The following PDZD2 variants were observed in gnomAD, a reference collection of about 807,000 sequenced individuals.
PDZD2 encodes the protein PDZ domain-containing protein 2.
In PDZD2, 90 loss-of-function variants were observed where a neutral mutation model predicts 220.7. That is an observed-to-expected ratio of 0.41 (90% CI 0.34 to 0.49). The LOEUF is 0.49. PDZD2 is among the 20% of genes least tolerant of loss of function. The pLI is 0.28. For missense variants in PDZD2, 3,174 were observed against 3,608.5 expected (o/e 0.88, Z 3.08); for synonymous variants, 1,375 against 1,450.5 (o/e 0.95, Z 1.18).
At chr5:31,863,114 C>A (rs1737878082) in intron 2 of PDZD2, among the ~76,000 whole-genome samples, 1 of 152,114 alleles carries the variant, frequency 6.6e-6, no homozygotes, top group African/African-American at 2.4e-5. Context: ...GAACTCCTGA[C>A]TGCAAGTGAT....
rs908870598 is a variant in PDZD2 at position 32,104,320 on chromosome 5, T to C, written c.8353+3081T>C. Among the ~76,000 whole-genome samples, 5 of 152,208 alleles carry C rather than the reference T, an allele frequency of 3.3e-5. No individual in the cohort carries two copies. The East Asian group carries it at 9.7e-4, about 29-fold the overall frequency. ...AAACAATATAGCAAGACTGATTTCTTTGAGTAAGGTTATTACAGAACAAGC... is the reference window on the plus strand; with the variant it reads ...AAACAATATAGCAAGACTGATTTCTCTGAGTAAGGTTATTACAGAACAAGC... On this transcript the variant is annotated intron_variant, in intron 24 of 24. Transcript: ENST00000438447.
At chr5:32,017,439 CAAAA>C (rs11289719) in intron 6 of PDZD2, among the ~76,000 whole-genome samples, 1 of 126,988 alleles carries the variant, frequency 7.9e-6, no homozygotes, top group Non-Finnish European at 1.7e-5. Flanking sequence ...GACCCTGTCT[CAAAA>C]AAAAAAAAAA....
rs1744868648 is a variant in PDZD2 at position 31,639,732 on chromosome 5, C to T, written c.-361+295C>T. Reference sequence around the variant, plus strand: ...AACCGGAGACGCACTGCCGGGGGTACTCAAGACAGGGCCGGGACCTCCTGC... The same window carrying T: ...AACCGGAGACGCACTGCCGGGGGTATTCAAGACAGGGCCGGGACCTCCTGC... On this transcript the variant is annotated intron_variant, in intron 1 of 24. Transcript: ENST00000438447. This position sits in a 1 kb window ranked among gnomAD's most constrained non-coding sequence, Gnocchi z 4.1. Among the ~76,000 whole-genome samples, 1 of 152,248 alleles carries T rather than the reference C, an allele frequency of 6.6e-6. No individual in the cohort carries two copies. Among genetic ancestry groups the T allele is most frequent in the Non-Finnish European group, 1.5e-5 (1 of 68,002 alleles).
chr5:32,078,638 T>TAAAAAAAA (rs66500422), intron 19 of PDZD2, among the ~76,000 whole-genome samples: 2 of 104,924 alleles, frequency 1.9e-5, no homozygotes, highest in East Asian at 2.8e-4. Context: ...TCTCAAAAAT[T>TAAAAAAAA]AAAAAAAAAA....
intron 1 of PDZD2, among the ~76,000 whole-genome samples, chr5:31,671,658 G>A (rs1231812935): frequency 6.6e-6 from 1 of 152,176 alleles, no homozygotes; most frequent in Admixed American, 6.5e-5. Flanking sequence ...CAGCCTGGCT[G>A]AGCCTGAGTT....
intron 6 of PDZD2, among the ~76,000 whole-genome samples, chr5:32,019,091 A>G (rs1753993120): frequency 6.8e-6 from 1 of 146,028 alleles, no homozygotes; most frequent in South Asian, 2.3e-4. Context: ...TTATCTAAGG[A>G]GTTTGCAGTT....
At chr5:31,971,979 T>C (rs1749340451) in intron 2 of PDZD2, among the ~76,000 whole-genome samples, 1 of 152,234 alleles carries the variant, frequency 6.6e-6, no homozygotes, top group South Asian at 2.1e-4. Flanking sequence ...AACATTCTTC[T>C]CCCAGGTAGC....
intron 2 of PDZD2, among the ~76,000 whole-genome samples, chr5:31,900,198 T>C (rs1314835034): frequency 6.6e-6 from 1 of 152,194 alleles, no homozygotes; most frequent in African/African-American, 2.4e-5. Context: ...TGGTTCCTTC[T>C]CTCAGTTGGA....
At chr5:31,746,428 G>T (rs1750608085) in intron 1 of PDZD2, among the ~76,000 whole-genome samples, 1 of 152,198 alleles carries the variant, frequency 6.6e-6, no homozygotes, top group Non-Finnish European at 1.5e-5. Context: ...CGTGGGTGCA[G>T]AAGTGGGAGT....
At chr5:32,040,289 C>A (rs1355453925) in intron 7 of PDZD2, among the ~76,000 whole-genome samples, 1 of 141,884 alleles carries the variant, frequency 7.0e-6, no homozygotes, top group Non-Finnish European at 1.5e-5. Context: ...CGGCCACCAC[C>A]CCGTCTGGGA....
intron 24 of PDZD2, among the ~76,000 whole-genome samples, chr5:32,106,772 A>G (rs1455046797): frequency 3.9e-5 from 6 of 152,160 alleles, no homozygotes; most frequent in Non-Finnish European, 7.3e-5. Context: ...AGTTAACACA[A>G]ATATAATTGG....
intron 1 of PDZD2, among the ~76,000 whole-genome samples, chr5:31,773,330 A>G (rs1305957422): frequency 6.6e-6 from 1 of 152,140 alleles, no homozygotes; most frequent in African/African-American, 2.4e-5. Context: ...TTGGGGTCTT[A>G]TGATGTATTC....
Position 32,059,307 on chromosome 5 carries a change from A to G in PDZD2, c.2269A>G (p.Ile757Val). ...GGAAAACAGTCCTCCTGGCATCTAC[A>G]TTCACAGCCTTGCTCCAGGATCAGT... ...ALENSPPGIY[I>V]HSLAPGSVAK... Residue 757 changes from isoleucine to valine, a missense_variant, in exon 13 of 25, where the codon ATT becomes GTT. By Grantham distance (29) the Ile-to-Val change is conservative. Coordinates refer to ENST00000438447, the MANE Select transcript of PDZD2 (RefSeq NM_178140.4). 1.2e-6 allele frequency: 2 copies of G among 1,613,514 alleles called. No homozygotes were observed. The highest frequency in any genetic ancestry group is 1.7e-6 in the Non-Finnish European group (2 of 1,179,464).
At chr5:31,852,252 T>C (rs1758100722) in intron 2 of PDZD2, among the ~76,000 whole-genome samples, 1 of 152,140 alleles carries the variant, frequency 6.6e-6, no homozygotes. Context: ...GCATTATACT[T>C]AAAACCATAC....
chr5:32,030,672 T>C (rs1403874806), intron 6 of PDZD2, among the ~76,000 whole-genome samples: 1 of 152,214 alleles, frequency 6.6e-6, no homozygotes, highest in Non-Finnish European at 1.5e-5. Context: ...GTGAAAGAGA[T>C]GAAATCAATG....
intron 2 of PDZD2, among the ~76,000 whole-genome samples, chr5:31,925,215 T>C (rs1344206448): frequency 2.0e-5 from 3 of 152,142 alleles, no homozygotes; most frequent in Admixed American, 6.6e-5. Context: ...CTTCAGACTA[T>C]ACATAAGTCT....
chr5:32,057,740 C>T lies in PDZD2; in HGVS notation c.1974+12C>T. ...TTCATACCTTTAAGGTAACAACATT[C>T]TTATTGATCTCCTTTATCCTATTTT... On this transcript the variant is annotated intron_variant, in intron 11 of 24. Transcript: ENST00000438447. The T allele has an allele frequency of 6.6e-7, 1 of 1,520,334 alleles. No homozygotes were observed. The highest frequency in any genetic ancestry group is 9.1e-7 in the Non-Finnish European group (1 of 1,097,370). 94.2% of individuals were successfully genotyped at this position (1,520,334 alleles called of 1,614,324 possible). A position where few individuals can be genotyped will look rare whatever the true frequency, so the allele number is the denominator to read the frequency against.
At chr5:31,813,318 C>T (rs1475390618) in intron 2 of PDZD2, among the ~76,000 whole-genome samples, 1 of 151,930 alleles carries the variant, frequency 6.6e-6, no homozygotes, top group African/African-American at 2.4e-5. Flanking sequence ...GGCATGGTGG[C>T]AGGCGTCTAT....
chr5:31,670,565 C>T (rs1170673620), intron 1 of PDZD2, among the ~76,000 whole-genome samples: 1 of 151,912 alleles, frequency 6.6e-6, no homozygotes, highest in Non-Finnish European at 1.5e-5. Flanking sequence ...TACAGGCACC[C>T]GCCACCACGC....
Sources: gnomAD v4.1 joint callset for allele counts (sites outside exome capture counted in the v4.1 genomes callset) on GRCh38, gnomAD v4.1.1 for gene constraint, Gnocchi (gnomAD v3.1) non-coding constraint, MANE v1.5 for transcripts, NCBI Gene and HGNC (gene_info 2026-07-23, HGNC 2026-07-21) for gene names.